The following EPB41L4A variants were observed in gnomAD, a reference collection of about 807,000 sequenced individuals.
The protein encoded by EPB41L4A is erythrocyte membrane protein band 4.1 like 4A, also known as band 4.1-like protein 4A.
Under a neutral mutation model 108.6 loss-of-function variants are expected in EPB41L4A, and 100 were observed. The observed-to-expected ratio is 0.92, with a 90% CI of 0.78 to 1.09. The LOEUF is 1.09. Ranked by LOEUF, EPB41L4A falls within the 50% of genes least tolerant of loss-of-function variation. The pLI, the probability that EPB41L4A is intolerant of heterozygous loss-of-function variation, is 0.00. For synonymous variants in EPB41L4A, 319 were observed against 289.0 expected, an observed-to-expected ratio of 1.10 and a Z score of -1.05; for missense variants, 1,030 against 842.7, an observed-to-expected ratio of 1.22 and a Z score of -2.75.
intron 12 of EPB41L4A, chr5:112,146,013 A>T (rs887136644): frequency 1.1e-5 from 5 of 455,926 alleles, no homozygotes; most frequent in South Asian, 6.2e-5. Flanking sequence ...TAAAGAAAAA[A>T]GTTTGCTGTG....
intron 5 of EPB41L4A, among the ~76,000 whole-genome samples, chr5:112,265,775 C>A (rs1751807064): frequency 6.6e-6 from 1 of 152,176 alleles, no homozygotes; most frequent in African/African-American, 2.4e-5. Flanking sequence ...CACACAGCCA[C>A]CGTATTAACA....
chr5:112,378,306 T>C (rs1028309118), intron 1 of EPB41L4A, among the ~76,000 whole-genome samples: 1 of 152,194 alleles, frequency 6.6e-6, no homozygotes, highest in Non-Finnish European at 1.5e-5. Context: ...TGCAAAATTT[T>C]AGTCACTCCT....
intron 1 of EPB41L4A, among the ~76,000 whole-genome samples, chr5:112,395,292 A>C (rs1038916955): frequency 2.0e-5 from 3 of 152,346 alleles, no homozygotes; most frequent in African/African-American, 7.2e-5. Flanking sequence ...AGAAACTACC[A>C]TCAGAGTGAA....
At chr5:112,335,214 C>A (rs970581642) in intron 1 of EPB41L4A, among the ~76,000 whole-genome samples, 8 of 152,140 alleles carry the variant, frequency 5.3e-5, no homozygotes, top group Non-Finnish European at 8.8e-5. Flanking sequence ...GGCACAAAAA[C>A]AAAAGCAACT....
intron 2 of EPB41L4A, among the ~76,000 whole-genome samples, chr5:112,299,022 T>C (rs944694783): frequency 1.3e-5 from 2 of 152,218 alleles, no homozygotes; most frequent in Non-Finnish European, 2.9e-5. Context: ...TTGAGCTTAT[T>C]TGGATCTTCC....
chr5:112,157,014 G>T (rs1458151052), intron 12 of EPB41L4A, among the ~76,000 whole-genome samples: 3 of 151,902 alleles, frequency 2.0e-5, no homozygotes, highest in Non-Finnish European at 4.4e-5. Flanking sequence ...GATGTGGGAG[G>T]GCAGGGTATT....
chr5:112,169,099 T>G lies in EPB41L4A; in HGVS notation c.1746A>C (p.Gln582His). The G allele has an allele frequency of 6.2e-7, 1 of 1,612,670 alleles. No homozygotes were observed. The highest frequency in any genetic ancestry group is 1.3e-5 in the African/African-American group (1 of 75,000). ...AATGCCTGATGCGGATTGGGTCACC[T>G]TGTGTCCTGAACAAGCAACCAAGAA... Reference protein sequence around the residue: ...KEIPYTKIETQGDPIRIRHSH... With the variant: ...KEIPYTKIETHGDPIRIRHSH... Residue 582 changes from glutamine (Q) to histidine (H), a missense_variant, in exon 21 of 23, where the codon CAA becomes CAC. Physicochemically the swap from Gln to His is conservative, Grantham distance 24. Transcript: ENST00000261486.
At chr5:112,264,536 A>AG (rs1751716831) in intron 6 of EPB41L4A, 1 of 156,750 alleles carries the variant, frequency 6.4e-6, no homozygotes, top group South Asian at 2.0e-4. Context: ...GACTGAAAAA[A>AG]AAAAAGACTG....
At chr5:112,383,626 G>C (rs1475039461) in intron 1 of EPB41L4A, among the ~76,000 whole-genome samples, 1 of 152,062 alleles carries the variant, frequency 6.6e-6, no homozygotes, top group Non-Finnish European at 1.5e-5. Context: ...AAATTAAAGA[G>C]CAATACAAAC....
At chr5:112,277,394 T>C (rs1752688610) in intron 3 of EPB41L4A, among the ~76,000 whole-genome samples, 3 of 152,206 alleles carry the variant, frequency 2.0e-5, no homozygotes, top group Admixed American at 2.0e-4. Flanking sequence ...TTTGGCTAAT[T>C]TTCTCTAAGG....
At chr5:112,344,377 G>T (rs1160791389) in intron 1 of EPB41L4A, among the ~76,000 whole-genome samples, 1 of 152,152 alleles carries the variant, frequency 6.6e-6, no homozygotes, top group Non-Finnish European at 1.5e-5. Flanking sequence ...CAATGACCAG[G>T]ATTTGCTTCA....
chr5:112,163,663 T>G lies in EPB41L4A; in HGVS notation c.*1327A>C, dbSNP rs145042977. ...GTTAGAGATAGCTTAAGATAGGGAT[T>G]AGATGAATTGAGGGCAATGACTAAA... On this transcript the variant is annotated 3_prime_UTR_variant, in exon 23 of 23. Transcript: ENST00000261486. 6.6e-6 allele frequency: 1 copy of G among 152,154 alleles called. No individual in the cohort carries two copies. The allele number at this position is 152,154 out of a possible 1,614,324, so 9.4% of individuals were successfully genotyped here. A position where few individuals can be genotyped will look rare whatever the true frequency, so the allele number is the denominator to read the frequency against.
At chr5:112,378,829 T>C (rs760211207) in intron 1 of EPB41L4A, among the ~76,000 whole-genome samples, 1 of 152,204 alleles carries the variant, frequency 6.6e-6, no homozygotes, top group Non-Finnish European at 1.5e-5. Flanking sequence ...CATGGGCTGT[T>C]TGAATGGCTG....
In EPB41L4A at chr5:112,169,033, C is replaced by A. The variant is rs183686385; in HGVS notation, c.1812G>T (p.Gln604His). 21 of 1,614,090 alleles carry A rather than the reference C, an allele frequency of 1.3e-5. No homozygotes were observed. The highest frequency in any genetic ancestry group is 8.9e-5 in the East Asian group (4 of 44,876). The change falls in exon 21 of 23, where the codon CAG (glutamine) becomes CAT (histidine). Residue 604 changes from glutamine (Q) to histidine (H), a missense_variant. By Grantham distance (24) the Gln-to-His change is conservative (BLOSUM62 0). Coordinates refer to ENST00000261486, the MANE Select transcript of EPB41L4A (RefSeq NM_022140.5). ...PRSYRQYRRS[Q>H]CSDGERSVLS... ...GAACTGATCGCTCCCCATCTGAACA[C>A]TGGGACCTGCGATACTGGCGGTAAC...
chr5:112,280,128 T>C, intron 3 of EPB41L4A, 144 bp downstream of exon 3: 3 of 732,898 alleles, frequency 4.1e-6, no homozygotes, highest in East Asian at 2.5e-5. Context: ...ATGCACACAA[T>C]ACACACATTC....
intron 1 of EPB41L4A, among the ~76,000 whole-genome samples, chr5:112,325,478 T>C (rs1756092293): frequency 6.6e-6 from 1 of 150,962 alleles, no homozygotes; most frequent in Non-Finnish European, 1.5e-5. Flanking sequence ...CAGATAAATG[T>C]GTGTTGAACT....
chr5:112,275,328 G>T lies in EPB41L4A; in HGVS notation c.333C>A (p.Thr111=), dbSNP rs1322520347. 6.5e-7 allele frequency: 1 copy of T among 1,548,304 alleles called. No homozygotes were observed. The highest frequency in any genetic ancestry group is 8.8e-7 in the Non-Finnish European group (1 of 1,140,462). ...CAAAAACAAAGTCAATACTATACCT[G>T]GTTATTTCTTCTTTAAGTTTACATG... ...EDPCKLKEEI[T]RYQFFLQVKQ... Residue 111 remains threonine, a splice_region_variant and synonymous_variant, in exon 4 of 23, where the codon ACC becomes ACA. Coordinates refer to ENST00000261486, the MANE Select transcript of EPB41L4A (RefSeq NM_022140.5).
intron 12 of EPB41L4A, among the ~76,000 whole-genome samples, chr5:112,229,608 G>A (rs1362804708): frequency 2.0e-5 from 3 of 151,324 alleles, no homozygotes; most frequent in Admixed American, 6.6e-5. Flanking sequence ...TCATTCTTAT[G>A]CCTTTGTGTC....
chr5:112,179,308 CAG>C (rs887738610), intron 18 of EPB41L4A, among the ~76,000 whole-genome samples: 4 of 151,840 alleles, frequency 2.6e-5, no homozygotes, highest in Non-Finnish European at 4.4e-5. Context: ...ATTCAGAAAA[CAG>C]AGGAAGAAGG....
Sources: allele counts gnomAD v4.1 joint callset (sites outside exome capture counted in the v4.1 genomes callset), GRCh38; gene constraint gnomAD v4.1.1; transcripts MANE v1.5; gene names NCBI Gene and HGNC (gene_info 2026-07-23, HGNC 2026-07-21).